Variants in CRACD observed in about 807,000 individuals in gnomAD.
The protein encoded by CRACD is capping protein-inhibiting regulator of actin dynamics.
In CRACD, 56 loss-of-function variants were observed where a neutral mutation model predicts 106.8. The observed-to-expected ratio is 0.52, with a 90% confidence interval of 0.42 to 0.66. The LOEUF (loss-of-function observed/expected upper bound fraction) is 0.66. Among genes scored for constraint, CRACD ranks in the 30% least tolerant of loss-of-function variants. CRACD has a pLI of 0.00. For synonymous variants in CRACD, 754 were observed against 670.8 expected, an observed-to-expected ratio of 1.12 and a Z score of -1.92; for missense variants, 1,730 against 1,623.2, an observed-to-expected ratio of 1.07 and a Z score of -1.13.
chr4:56,087,744 C>A (rs1275196156), intron 1 of CRACD, among the ~76,000 whole-genome samples: 1 of 152,104 alleles, frequency 6.6e-6, no homozygotes, highest in Non-Finnish European at 1.5e-5. Context: ...TATACAAAAC[C>A]GACCTCAGTC....
chr4:56,192,115 G>A (rs1737397230), intron 2 of CRACD, among the ~76,000 whole-genome samples: 1 of 152,152 alleles, frequency 6.6e-6, no homozygotes, highest in South Asian at 2.1e-4. Flanking sequence ...ATACTGGCCA[G>A]GCGCATTGGC....
At chr4:56,242,873 C>T (rs906848881) in intron 2 of CRACD, among the ~76,000 whole-genome samples, 6 of 152,044 alleles carry the variant, frequency 3.9e-5, no homozygotes, top group African/African-American at 9.7e-5. Context: ...CAAGGGAGTA[C>T]GTGGAAGTTT....
intron 1 of CRACD, among the ~76,000 whole-genome samples, chr4:56,055,302 T>C (rs1732018625): frequency 6.6e-6 from 1 of 151,946 alleles, no homozygotes; most frequent in South Asian, 2.1e-4. Flanking sequence ...ATTATTTAAA[T>C]CTAGGATAAG....
At chr4:56,307,919 T>G (rs911454673) in intron 5 of CRACD, among the ~76,000 whole-genome samples, 1 of 152,198 alleles carries the variant, frequency 6.6e-6, no homozygotes, top group Non-Finnish European at 1.5e-5. Context: ...GTCTTCCCAG[T>G]GTCTTTCACT....
intron 3 of CRACD, among the ~76,000 whole-genome samples, chr4:56,278,614 G>A (rs751369284): frequency 4.6e-5 from 7 of 152,060 alleles, no homozygotes; most frequent in Non-Finnish European, 8.8e-5. Flanking sequence ...GGTACCAAAA[G>A]CACAAGTGAC....
intron 6 of CRACD, among the ~76,000 whole-genome samples, chr4:56,312,869 G>A (rs1043986701): frequency 3.9e-5 from 6 of 152,190 alleles, no homozygotes; most frequent in African/African-American, 1.4e-4. Context: ...TCCAAAACAG[G>A]CTGTGGGCAG....
At chr4:56,281,725 C>T (rs1315976124) in intron 3 of CRACD, among the ~76,000 whole-genome samples, 3 of 152,162 alleles carry the variant, frequency 2.0e-5, no homozygotes, top group Non-Finnish European at 4.4e-5. Flanking sequence ...AAAGATCTTT[C>T]TCCACATGGG....
intron 1 of CRACD, among the ~76,000 whole-genome samples, chr4:56,157,512 A>G (rs1464083228): frequency 6.6e-6 from 1 of 152,180 alleles, no homozygotes; most frequent in African/African-American, 2.4e-5. Context: ...AATGTCATCC[A>G]TCCACTATTT....
chr4:56,268,085 A>G (rs1323658290), intron 2 of CRACD, among the ~76,000 whole-genome samples: 1 of 152,224 alleles, frequency 6.6e-6, no homozygotes, highest in Non-Finnish European at 1.5e-5. Context: ...GTCACCATTC[A>G]CAACAGTGAG....
chr4:56,231,992 G>A (rs899936959), intron 2 of CRACD, among the ~76,000 whole-genome samples: 2 of 152,178 alleles, frequency 1.3e-5, no homozygotes, highest in Non-Finnish European at 2.9e-5. Flanking sequence ...AAAAATATTA[G>A]TGAGTAATGG....
chr4:56,329,991 A>ATACT lies in CRACD; in HGVS notation c.*2193_*2196dup, dbSNP rs1269638316. 6.6e-6 allele frequency among the ~76,000 whole-genome samples: 1 copy of ATACT among 152,178 alleles called. No individual in the cohort carries two copies. Among genetic ancestry groups the ATACT allele is most frequent in the Non-Finnish European group, 1.5e-5 (1 of 68,034 alleles). On this transcript the variant is annotated 3_prime_UTR_variant, in exon 11 of 11. Coordinates refer to ENST00000682029, the MANE Select transcript of CRACD (RefSeq NM_001393381.1). ...GTATACTGAAGAAAGGGCAGTCACAATACTTACTTCTAACAGCTTCTAAAG... is the reference window on the plus strand; with the variant it reads ...GTATACTGAAGAAAGGGCAGTCACAATACTTACTTACTTCTAACAGCTTCTAAAG...
At chr4:56,158,433 C>T (rs1218492894) in intron 1 of CRACD, among the ~76,000 whole-genome samples, 2 of 152,086 alleles carry the variant, frequency 1.3e-5, no homozygotes, top group Admixed American at 1.3e-4. Flanking sequence ...CAAAGATCAT[C>T]CAGCAAGTTC....
At chr4:56,181,484 GCACA>G (rs1736818267) in intron 2 of CRACD, among the ~76,000 whole-genome samples, 1 of 152,132 alleles carries the variant, frequency 6.6e-6, no homozygotes, top group Non-Finnish European at 1.5e-5. Flanking sequence ...CCTCCACCCA[GCACA>G]CACACAAAAT....
At chr4:56,154,506 A>T (rs1735702080) in intron 1 of CRACD, among the ~76,000 whole-genome samples, 1 of 105,888 alleles carries the variant, frequency 9.4e-6, no homozygotes. Context: ...AGAATCAAAT[A>T]ATTTTTATAA....
chr4:56,079,537 CT>C (rs1399703342), intron 1 of CRACD, among the ~76,000 whole-genome samples: 2 of 151,812 alleles, frequency 1.3e-5, no homozygotes, highest in East Asian at 3.9e-4. Context: ...GCTCTGCCTC[CT>C]GCGTTCAAAT....
chr4:56,229,160 C>G (rs1293529561), intron 2 of CRACD, among the ~76,000 whole-genome samples: 2 of 152,122 alleles, frequency 1.3e-5, no homozygotes, highest in African/African-American at 4.8e-5. Flanking sequence ...GTTTCAGTAG[C>G]ACAGTGGGGT....
rs1228749983 is a variant in CRACD at position 56,204,091 on chromosome 4, A to C, written c.-189+24661A>C. 2.0e-5 allele frequency among the ~76,000 whole-genome samples: 3 copies of C among 152,216 alleles called. No homozygotes were observed. In the East Asian group the frequency reaches 5.8e-4, roughly 29 times the overall value. ...AGCTGGCACTTGGTGAATGGCAGGC[A>C]AGCTGGATTCTACCTGCCTCCAGCA... On this transcript the variant is annotated intron_variant, in intron 2 of 10. Transcript: ENST00000682029.
In CRACD at chr4:56,329,654, T is replaced by C. The variant is rs891906235; in HGVS notation, c.*1850T>C. On this transcript the variant is annotated 3_prime_UTR_variant, in exon 11 of 11. Coordinates refer to ENST00000682029, the MANE Select transcript of CRACD (RefSeq NM_001393381.1). ...CACGTCTTCCATACTAATGTTCATT[T>C]CTAAATCTTATATGTAGGCATTTGT... Among the ~76,000 whole-genome samples, 10 of 152,330 alleles carry C rather than the reference T, an allele frequency of 6.6e-5. No individual in the cohort carries two copies. Among genetic ancestry groups the C allele is most frequent in the Middle Eastern group, 3.4e-3 (1 of 294 alleles).
chr4:56,097,355 AAGTTAGTGACTGTGAGTTG>A (rs1315486005), intron 1 of CRACD: 1 of 152,578 alleles, frequency 6.6e-6, no homozygotes, highest in Non-Finnish European at 1.5e-5. Flanking sequence ...CTGCTGCTTG[AAGTTAGTGACTGTGAGTTG>A]AGAATGTGAC....
Sources: allele counts gnomAD v4.1 joint callset (sites outside exome capture counted in the v4.1 genomes callset), GRCh38; gene constraint gnomAD v4.1.1; transcripts MANE v1.5; gene names NCBI Gene and HGNC (gene_info 2026-07-23, HGNC 2026-07-21).